The following AGAP1 variants were observed in gnomAD, a reference collection of about 807,000 sequenced individuals.
AGAP1 encodes ArfGAP with GTPase domain, ankyrin repeat and PH domain 1, also known as arf-GAP with GTPase, ANK repeat and PH domain-containing protein 1.
Under a neutral mutation model 105.3 loss-of-function variants are expected in AGAP1, and 29 were observed. The observed-to-expected ratio is 0.28, with a 90% CI of 0.21 to 0.38. AGAP1 has a LOEUF of 0.38. AGAP1 is among the 10% of genes least tolerant of loss of function. The pLI is 1.00. For missense variants in AGAP1, 998 were observed against 1,165.1 expected, an observed-to-expected ratio of 0.86 and a Z score of 2.09; for synonymous variants, 509 against 485.9, an observed-to-expected ratio of 1.05 and a Z score of -0.63.
chr2:235,808,467 G>A (rs576072774), intron 9 of AGAP1, among the ~76,000 whole-genome samples: 1 of 152,322 alleles, frequency 6.6e-6, no homozygotes, highest in South Asian at 2.1e-4. Context: ...GGGCCAGCCA[G>A]TGTCAGCGTG....
At chr2:235,521,796 AGT>A (rs1942634149) in intron 1 of AGAP1, among the ~76,000 whole-genome samples, 1 of 151,408 alleles carries the variant, frequency 6.6e-6, no homozygotes, top group African/African-American at 2.4e-5. Context: ...ATTGAAAAAT[AGT>A]GCTGTATAGT....
rs1424245324 is a variant in AGAP1 at position 235,590,684 on chromosome 2, T to TGTGCGC, written c.163+95836_163+95837insTGCGCG. ...GTTTTAATGTGTGTGTGTGTGTGTGTGCGTGTGCGTGTGTGTGTGTGTGTG... is the reference window on the plus strand; with the variant it reads ...GTTTTAATGTGTGTGTGTGTGTGTGTGTGCGCGCGTGTGCGTGTGTGTGTGTGTGTG... On this transcript the variant is annotated intron_variant, in intron 1 of 17. Coordinates refer to ENST00000304032, the MANE Select transcript of AGAP1 (RefSeq NM_001037131.3). Among the ~76,000 whole-genome samples, 4 of 102,652 alleles carry TGTGCGC rather than the reference T, an allele frequency of 3.9e-5. 1 individual carries two copies. The East Asian group carries it at 9.1e-4, about 23-fold the overall frequency. 67.3% of individuals were successfully genotyped at this position (102,652 alleles called of 152,430 possible).
At chr2:235,672,077 A>T (rs548439538) in intron 1 of AGAP1, among the ~76,000 whole-genome samples, 1 of 152,228 alleles carries the variant, frequency 6.6e-6, no homozygotes, top group South Asian at 2.1e-4. Context: ...TCATCCTCTT[A>T]TCTGAATTCT....
chr2:235,987,341 G>T (rs2055358651), intron 13 of AGAP1, among the ~76,000 whole-genome samples: 1 of 151,774 alleles, frequency 6.6e-6, no homozygotes, highest in Non-Finnish European at 1.5e-5. Flanking sequence ...GGGGTCAGTG[G>T]TGATATCCCT....
At chr2:235,715,002 T>G (rs1490917262) in intron 2 of AGAP1, among the ~76,000 whole-genome samples, 1 of 152,158 alleles carries the variant, frequency 6.6e-6, no homozygotes, top group Non-Finnish European at 1.5e-5. Context: ...TTTCACCGTG[T>G]TAGCCAGGAT....
chr2:235,962,225 C>T lies in AGAP1; in HGVS notation c.1484-6237C>T, dbSNP rs563908367. ...AGTGAGGTAGGATTGAAGGGCAGGCCAGAGGCCACTGAGGGGTACACTGAC... is the reference window on the plus strand; with the variant it reads ...AGTGAGGTAGGATTGAAGGGCAGGCTAGAGGCCACTGAGGGGTACACTGAC... On this transcript the variant is annotated intron_variant, in intron 12 of 17. Coordinates refer to ENST00000304032, the MANE Select transcript of AGAP1 (RefSeq NM_001037131.3). The surrounding 1 kb of genome is among the most constrained non-coding windows in gnomAD (Gnocchi z 5.3). Among the ~76,000 whole-genome samples the T allele has an allele frequency of 6.6e-6, 1 of 152,086 alleles. No homozygotes were observed. The highest frequency in any genetic ancestry group is 2.1e-4 in the South Asian group (1 of 4,800).
At chr2:235,816,837 G>A (rs981376102) in intron 9 of AGAP1, among the ~76,000 whole-genome samples, 1 of 151,914 alleles carries the variant, frequency 6.6e-6, no homozygotes, top group Non-Finnish European at 1.5e-5. Context: ...GTTGCAGTGA[G>A]CCGAGATCAT....
At chr2:235,978,433 G>A (rs2054948648) in intron 13 of AGAP1, among the ~76,000 whole-genome samples, 2 of 152,170 alleles carry the variant, frequency 1.3e-5, no homozygotes, top group Admixed American at 6.5e-5. Flanking sequence ...ACATCATCCA[G>A]TGCAAAGGAA....
At chr2:235,548,017 ATTTG>A (rs1356880514) in intron 1 of AGAP1, among the ~76,000 whole-genome samples, 2 of 152,222 alleles carry the variant, frequency 1.3e-5, no homozygotes, top group Non-Finnish European at 2.9e-5. Flanking sequence ...CAGCTACAAT[ATTTG>A]TTAGCCAAGC....
intron 1 of AGAP1, among the ~76,000 whole-genome samples, chr2:235,522,103 A>G (rs1246387846): frequency 6.6e-6 from 1 of 152,194 alleles, no homozygotes. Context: ...TGAGAAGCAT[A>G]GAACATTTCC....
chr2:235,763,362 TG>T, intron 6 of AGAP1, among the ~76,000 whole-genome samples: 2 of 152,236 alleles, frequency 1.3e-5, no homozygotes, highest in Non-Finnish European at 2.9e-5. Context: ...TCCGCGACCG[TG>T]AAACTTTTCC....
Position 236,105,916 on chromosome 2 carries a change from T to A in AGAP1, c.2115-14276T>A, listed in dbSNP as rs1010047793. Among the ~76,000 whole-genome samples, 33 of 152,276 alleles carry A rather than the reference T, an allele frequency of 2.2e-4. No individual in the cohort carries two copies. The highest frequency in any genetic ancestry group is 6.3e-4 in the African/African-American group (26 of 41,572). On this transcript the variant is annotated intron_variant, in intron 16 of 17. Coordinates refer to ENST00000304032, the MANE Select transcript of AGAP1 (RefSeq NM_001037131.3). This position sits in a 1 kb window ranked among gnomAD's most constrained non-coding sequence, Gnocchi z 4.2. Reference sequence around the variant, plus strand: ...CCGGCCCCTCTTGTGCCTCTTCTTATAAGAGTGAGAATCCCATTCATGGGA... The same window carrying A: ...CCGGCCCCTCTTGTGCCTCTTCTTAAAAGAGTGAGAATCCCATTCATGGGA...
At chr2:235,604,486 T>TAA (rs67745854) in intron 1 of AGAP1, among the ~76,000 whole-genome samples, 3,422 of 135,154 alleles carry the variant, frequency 0.025, 135 homozygotes, top group African/African-American at 0.084. Flanking sequence ...TGTATCAAAA[T>TAA]AAAAAAAAAA....
In AGAP1 at chr2:235,586,035, TTGGGCTTGAG is replaced by T. The variant is rs1442460818; in HGVS notation, c.163+91191_163+91200del. ...GCAGGTTCTGGCAACAGACTTGGTGTTGGGCTTGAGTGGGAAGGGGATTTAGGAGCTTCAT... is the reference window on the plus strand; with the variant it reads ...GCAGGTTCTGGCAACAGACTTGGTGTTGGGAAGGGGATTTAGGAGCTTCAT... On this transcript the variant is annotated intron_variant, in intron 1 of 17. Coordinates refer to ENST00000304032, the MANE Select transcript of AGAP1 (RefSeq NM_001037131.3). This position sits in a 1 kb window ranked among gnomAD's most constrained non-coding sequence, Gnocchi z 4.2. Among the ~76,000 whole-genome samples, 1 of 152,068 alleles carries T rather than the reference TTGGGCTTGAG, an allele frequency of 6.6e-6. No homozygotes were observed. The highest frequency in any genetic ancestry group is 1.5e-5 in the Non-Finnish European group (1 of 68,026).
chr2:235,521,734 T>TTTTGTGTGTG (rs562790524), intron 1 of AGAP1, among the ~76,000 whole-genome samples: 10 of 25,622 alleles, frequency 3.9e-4, no homozygotes, highest in African/African-American at 1.2e-3. Flanking sequence ...TTTTTGTTTG[T>TTTTGTGTGTG]TATATATATG....
intron 9 of AGAP1, chr2:235,853,311 G>A (rs2048556558): frequency 1.3e-6 from 1 of 770,290 alleles, no homozygotes; most frequent in Admixed American, 6.2e-5. Flanking sequence ...GGCAGGTTGA[G>A]TGAGGAATTG....
At chr2:236,107,959 A>C (rs1379384463) in intron 16 of AGAP1, among the ~76,000 whole-genome samples, 2 of 152,200 alleles carry the variant, frequency 1.3e-5, no homozygotes, top group South Asian at 2.1e-4. Context: ...AAACACTCAT[A>C]ATATTGATCA....
At position 235,681,304 on chromosome 2, in the gene AGAP1, C is replaced by T. The variant is rs191486335; in HGVS notation, c.164-27875C>T. 1.1e-3 allele frequency among the ~76,000 whole-genome samples: 173 copies of T among 152,178 alleles called. 1 individual carries two copies. The South Asian group carries it at 0.012, about 11-fold the overall frequency. On this transcript the variant is annotated intron_variant, in intron 1 of 17. Transcript: ENST00000304032. The stretch of plus-strand genomic sequence containing the variant: ...GATTACAGGCGTGAGCCACCATGCC[C>T]GGCAATTTTAGCCCTTTTGACACAC...
rs528087627 is a variant in AGAP1 at position 235,920,816 on chromosome 2, A to G, written c.1325-9949A>G. Among the ~76,000 whole-genome samples the G allele has an allele frequency of 1.1e-4, 16 of 152,364 alleles. No individual in the cohort carries two copies. The South Asian group carries it at 3.1e-3, about 30-fold the overall frequency. On this transcript the variant is annotated intron_variant, in intron 11 of 17. Transcript: ENST00000304032. ...AAGCTTTTGCTAAAAAACTGTAGAG[A>G]TAGGAAAACCCACTGTTGATGAGAT... is the stretch of plus-strand genomic sequence containing the variant.
Sources: gnomAD v4.1 joint callset for allele counts (sites outside exome capture counted in the v4.1 genomes callset) on GRCh38, gnomAD v4.1.1 for gene constraint, Gnocchi (gnomAD v3.1) non-coding constraint, MANE v1.5 for transcripts, NCBI Gene and HGNC (gene_info 2026-07-23, HGNC 2026-07-21) for gene names.